POPDC2: variants seen among roughly 807,000 people sequenced by gnomAD.
POPDC2 encodes the protein popeye domain cAMP effector 2.
A neutral mutation model predicts 30.5 loss-of-function variants in POPDC2; 24 were observed. The observed-to-expected ratio is 0.79, with a 90% confidence interval of 0.57 to 1.11. The LOEUF (loss-of-function observed/expected upper bound fraction) is 1.11, where lower values mean the gene tolerates loss of function less well. Ranked by LOEUF, POPDC2 falls within the 50% of genes least tolerant of loss-of-function variation. The pLI, the probability that POPDC2 is intolerant of heterozygous loss-of-function variation, is 0.00. For missense variants in POPDC2, 409 were observed against 447.0 expected (o/e 0.91, Z 0.77); for synonymous variants, 185 against 183.3 (o/e 1.01, Z -0.07).
At position 119,648,195 on chromosome 3, in the gene POPDC2, C is replaced by T. The variant is rs781069312; in HGVS notation, c.1074G>A (p.Met358Ile). The T allele has an allele frequency of 5.8e-6, 9 of 1,560,938 alleles. No homozygotes were observed. Among genetic ancestry groups the T allele is most frequent in the Admixed American group, 1.9e-5 (1 of 52,040 alleles). Reference sequence around the variant, plus strand: ...TGTACTCCCCATCACTCCTATAATCCATAAACGATTCTGATCCTGACACCT... The same window carrying T: ...TGTACTCCCCATCACTCCTATAATCTATAAACGATTCTGATCCTGACACCT... The part of the protein sequence containing the change: ...FEEVSGSESF[M>I]DYRSDGEYMR Residue 358 changes from methionine (M) to isoleucine (I), a missense_variant, in exon 3 of 4, where the codon ATG becomes ATA. Physicochemically the swap from Met to Ile is conservative, Grantham distance 10. Transcript: ENST00000493094.
chr3:119,650,787 A>G (rs775929506), intron 2 of POPDC2, among the ~76,000 whole-genome samples: 1 of 152,234 alleles, frequency 6.6e-6, no homozygotes, highest in Non-Finnish European at 1.5e-5. Context: ...TCTCAGGCCC[A>G]GATCTCATTC....
chr3:119,651,871 TA>T (rs963609098), intron 2 of POPDC2, among the ~76,000 whole-genome samples: 4 of 152,138 alleles, frequency 2.6e-5, no homozygotes, highest in Non-Finnish European at 5.9e-5. Flanking sequence ...CCTGACCTCA[TA>T]ATCCAACTGC....
At position 119,648,357 on chromosome 3, in the gene POPDC2, G is replaced by A; in HGVS notation, c.912C>T (p.Leu304=). The change falls in exon 3 of 4, where the codon CTC becomes CTT. Residue 304 remains leucine, a synonymous_variant. Transcript: ENST00000493094. ...GGGTAGAACAAGGGGGTGTTTGCTG[G>A]AGAGAGGTGGGTGTGGCCTGAGGAG... The part of the protein sequence containing the change: ...VSPPQATPTS[L]QQTPPCSTPP... 6.2e-7 allele frequency: 1 copy of A among 1,614,148 alleles called. No homozygotes were observed. The highest frequency in any genetic ancestry group is 1.1e-5 in the South Asian group (1 of 91,080).
intron 2 of POPDC2, among the ~76,000 whole-genome samples, chr3:119,653,552 A>G (rs1445604832): frequency 6.7e-6 from 1 of 149,576 alleles, no homozygotes; most frequent in Non-Finnish European, 1.5e-5. Context: ...ATCTCGGCTC[A>G]CTGCAAGCTC....
At chr3:119,656,606 G>A (rs1036888968) in intron 1 of POPDC2, among the ~76,000 whole-genome samples, 1 of 152,166 alleles carries the variant, frequency 6.6e-6, no homozygotes, top group Non-Finnish European at 1.5e-5. Context: ...CTGAGGACAG[G>A]GAGTGTATTT....
intron 3 of POPDC2, among the ~76,000 whole-genome samples, chr3:119,643,081 G>A (rs2052708890): frequency 6.6e-6 from 1 of 152,168 alleles, no homozygotes; most frequent in Admixed American, 6.5e-5. Flanking sequence ...GCAGGTAGAG[G>A]TGGCACGACC....
At chr3:119,648,919 C>T (rs1040775113) in intron 2 of POPDC2, among the ~76,000 whole-genome samples, 14 of 152,290 alleles carry the variant, frequency 9.2e-5, no homozygotes, top group Non-Finnish European at 1.6e-4. Context: ...CCTCCTGAAG[C>T]CTCAGTTTCC....
chr3:119,652,111 C>T (rs1285148012), intron 2 of POPDC2, among the ~76,000 whole-genome samples: 3 of 151,698 alleles, frequency 2.0e-5, no homozygotes, highest in African/African-American at 7.3e-5. Context: ...AATGAGATAA[C>T]CTATGTAAAT....
At chr3:119,660,628 TTCTCTCTC>T (rs370359165), upstream of POPDC2, 38 of 413,456 alleles carry the variant, frequency 9.2e-5, no homozygotes, top group Non-Finnish European at 1.1e-4. Flanking sequence ...AAAAACCTCT[TTCTCTCTC>T]TCTCTCTCTC....
At chr3:119,652,595 G>A (rs958571671) in intron 2 of POPDC2, among the ~76,000 whole-genome samples, 2 of 152,180 alleles carry the variant, frequency 1.3e-5, no homozygotes, top group Non-Finnish European at 2.9e-5. Context: ...GAGGACACCC[G>A]GCTTACCCAC....
intron 1 of POPDC2, 65 bp downstream of exon 1, chr3:119,659,868 C>T (rs1488338024): frequency 9.3e-6 from 14 of 1,505,216 alleles, no homozygotes; most frequent in Non-Finnish European, 1.2e-5. Flanking sequence ...TGGAAAGGGA[C>T]ACACTAGGAA....
chr3:119,659,089 C>T (rs2052911046), intron 1 of POPDC2, among the ~76,000 whole-genome samples: 1 of 152,220 alleles, frequency 6.6e-6, no homozygotes, highest in Middle Eastern at 3.4e-3. Flanking sequence ...CACAGAGCCC[C>T]GTGATGTTTT....
intron 2 of POPDC2, among the ~76,000 whole-genome samples, chr3:119,654,227 A>G (rs1023836274): frequency 2.0e-5 from 3 of 152,222 alleles, no homozygotes; most frequent in East Asian, 1.9e-4. Context: ...AAGTTACCCT[A>G]TAACAAGTGT....
chr3:119,660,099 CA>C lies in POPDC2; in HGVS notation c.324del (p.Phe108LeufsTer31). On this transcript the variant is annotated frameshift_variant, in exon 1 of 4. Coordinates refer to ENST00000493094, the MANE Select transcript of POPDC2 (RefSeq NM_001369919.2). LOFTEE classifies it high-confidence loss of function. Reference sequence around the variant, plus strand: ...AGGCACAGCGTCTTGTAGAGGAGGTCAAACTCCTCAGGGAGGGTGTCCTCAC... The same window carrying C: ...AGGCACAGCGTCTTGTAGAGGAGGTCAACTCCTCAGGGAGGGTGTCCTCAC... ...RLREDTLPEE[F>X]DLLYKTLCLP... 1 of 1,614,192 alleles carries C rather than the reference CA, an allele frequency of 6.2e-7. No homozygotes were observed. Among genetic ancestry groups the C allele is most frequent in the Non-Finnish European group, 8.5e-7 (1 of 1,180,026 alleles).
At chr3:119,656,345 C>G (rs2052878890) in intron 1 of POPDC2, among the ~76,000 whole-genome samples, 1 of 152,058 alleles carries the variant, frequency 6.6e-6, no homozygotes. Flanking sequence ...TGGCTGCAGC[C>G]AGAAATCCGA....
chr3:119,656,203 T>C (rs533342517), intron 1 of POPDC2, among the ~76,000 whole-genome samples: 1 of 152,340 alleles, frequency 6.6e-6, no homozygotes, highest in East Asian at 1.9e-4. Flanking sequence ...AATGTCCTAG[T>C]AGGACATGTT....
At chr3:119,658,054 T>G (rs2052898713) in intron 1 of POPDC2, among the ~76,000 whole-genome samples, 2 of 152,182 alleles carry the variant, frequency 1.3e-5, no homozygotes, top group Admixed American at 1.3e-4. Flanking sequence ...TAGAGAACAG[T>G]GTGCATGTGA....
intron 2 of POPDC2, among the ~76,000 whole-genome samples, chr3:119,650,574 C>T (rs1390631250): frequency 6.6e-6 from 1 of 152,168 alleles, no homozygotes; most frequent in Non-Finnish European, 1.5e-5. Flanking sequence ...GGATGCCATA[C>T]ACTCCTTGCC....
At chr3:119,648,039 A>G (rs2052764409) in intron 3 of POPDC2, 80 bp downstream of exon 3, 24 of 1,166,850 alleles carry the variant, frequency 2.1e-5, no homozygotes, top group Non-Finnish European at 2.4e-5. Context: ...TGTTCCACGA[A>G]TGATTTTTTT....
Sources: allele counts gnomAD v4.1 joint callset (sites outside exome capture counted in the v4.1 genomes callset), GRCh38; gene constraint gnomAD v4.1.1; transcripts MANE v1.5; gene names NCBI Gene and HGNC (gene_info 2026-07-23, HGNC 2026-07-21).